SVIL: variants seen among roughly 807,000 people sequenced by gnomAD.
The protein encoded by SVIL is supervillin, also known as archvillin.
A neutral mutation model predicts 240.4 loss-of-function variants in SVIL; 101 were observed. That is an observed-to-expected ratio of 0.42 (90% CI 0.36 to 0.50). The LOEUF is 0.50. Among genes scored for constraint, SVIL ranks in the 20% least tolerant of loss-of-function variants. The pLI, the probability that SVIL is intolerant of heterozygous loss-of-function variation, is 0.01. For missense variants in SVIL, 2,512 were observed against 2,818.7 expected (o/e 0.89, Z 2.46); for synonymous variants, 999 against 1,100.0 (o/e 0.91, Z 1.82).
intron 13 of SVIL, 143 bp from the exon 14 acceptor site, chr10:29,524,858 A>G (rs1950793613): frequency 3.1e-6 from 4 of 1,276,412 alleles, no homozygotes; most frequent in Non-Finnish European, 2.1e-6. Context: ...AGAGGCAGGC[A>G]GCTGTTCAGC....
intron 1 of SVIL, among the ~76,000 whole-genome samples, chr10:29,715,132 T>C (rs1301655568): frequency 6.6e-6 from 1 of 152,118 alleles, no homozygotes; most frequent in East Asian, 1.9e-4. Context: ...AATTGAACTT[T>C]AAACAAAAAA....
Position 29,467,633 on chromosome 10 carries a change from C to G in SVIL, c.5977+109G>C, listed in dbSNP as rs1945074848. ...ACTTGAGCCCAGGAGGTTGAAGCTG[C>G]AGTGAGCTGTGATCATACCACTATA... is the stretch of plus-strand genomic sequence containing the variant. On this transcript the variant is annotated intron_variant, in intron 33 of 37. Coordinates refer to ENST00000355867, the MANE Select transcript of SVIL (RefSeq NM_021738.3). The G allele has an allele frequency of 6.4e-6, 9 of 1,410,522 alleles. No individual in the cohort carries two copies. The South Asian group carries it at 1.2e-4, about 19-fold the overall frequency. 87.4% of individuals were successfully genotyped at this position (1,410,522 alleles called of 1,614,324 possible). A position where few individuals can be genotyped will look rare whatever the true frequency, so the allele number is the denominator to read the frequency against.
rs1185155048 is a variant in SVIL at position 29,550,609 on chromosome 10, T to C, written c.815A>G (p.Glu272Gly). The change falls in exon 6 of 38, where the codon GAG becomes GGG. Residue 272 changes from glutamate (E) to glycine (G), a missense_variant. Physicochemically the swap from Glu to Gly is moderately conservative, Grantham distance 98. This residue lies in a region of SVIL where 1,443 missense variants were observed against 1,486.6 expected (regional missense o/e 0.97). Coordinates refer to ENST00000355867, the MANE Select transcript of SVIL (RefSeq NM_021738.3). ...PSFGDPQLSP[E>G]ARPSTGKPKH... ...ACTGGATGCTTACCTGGGTCGGGCCTCAGGGGATAGCTGTGGGTCACCAAA... is the reference window on the plus strand; with the variant it reads ...ACTGGATGCTTACCTGGGTCGGGCCCCAGGGGATAGCTGTGGGTCACCAAA... 5 of 1,610,508 alleles carry C rather than the reference T, an allele frequency of 3.1e-6. No homozygotes were observed. In the South Asian group the frequency reaches 4.4e-5, roughly 14 times the overall value.
chr10:29,616,226 AG>A (rs1163836586), intron 1 of SVIL, among the ~76,000 whole-genome samples: 1 of 152,172 alleles, frequency 6.6e-6, no homozygotes, highest in Non-Finnish European at 1.5e-5. Context: ...TAGTAGAGGC[AG>A]GGTTTCACCA....
chr10:29,527,766 C>T (rs1488539212), intron 12 of SVIL, among the ~76,000 whole-genome samples: 1 of 132,812 alleles, frequency 7.5e-6, no homozygotes, highest in East Asian at 2.2e-4. Context: ...CACTCTGTCG[C>T]CCAGGCTGGA....
In SVIL at chr10:29,536,087, C is replaced by A. The variant is rs746926154; in HGVS notation, c.828-18G>T. On this transcript the variant is annotated intron_variant, in intron 6 of 37. Coordinates refer to ENST00000355867, the MANE Select transcript of SVIL (RefSeq NM_021738.3). ...TCCCTGTACTATTGTGTACAAAAAA[C>A]AAAACCAGATAATCTCTATTAAAAC... is the stretch of plus-strand genomic sequence containing the variant. 15 of 1,612,232 alleles carry A rather than the reference C, an allele frequency of 9.3e-6. No individual in the cohort carries two copies. In the South Asian group the frequency reaches 1.5e-4, roughly 17 times the overall value.
At position 29,660,023 on chromosome 10, in the gene SVIL, A is replaced by C. The variant is rs142492402; in HGVS notation, c.-300-1955T>G. On this transcript the variant is annotated intron_variant, in intron 2 of 35. Transcript: ENST00000375400. Reference sequence around the variant, plus strand: ...AAAAGAAAGAAAAAGAAAACTACTCAAAAAGAAAACAGGGGCTGGGCACAG... The same window carrying C: ...AAAAGAAAGAAAAAGAAAACTACTCCAAAAGAAAACAGGGGCTGGGCACAG... Among the ~76,000 whole-genome samples the C allele has an allele frequency of 6.9e-3, 1,050 of 152,296 alleles. 8 individuals carry two copies. The highest frequency in any genetic ancestry group is 0.02 in the Middle Eastern group (6 of 294).
At chr10:29,607,165 A>G (rs1352446866) in intron 1 of SVIL, among the ~76,000 whole-genome samples, 1 of 152,222 alleles carries the variant, frequency 6.6e-6, no homozygotes, top group Non-Finnish European at 1.5e-5. Flanking sequence ...TTTATTGGGC[A>G]ATCTAGTTTT....
intron 36 of SVIL, among the ~76,000 whole-genome samples, chr10:29,460,944 A>C (rs1293203183): frequency 1.3e-5 from 2 of 151,886 alleles, no homozygotes; most frequent in African/African-American, 4.8e-5. Context: ...CAGACCCCTT[A>C]CCCACCATGA....
chr10:29,601,630 GA>G lies in SVIL; in HGVS notation c.-200-32319del, dbSNP rs144785835. Reference sequence around the variant, plus strand: ...ACTGACGGCCTACCATAAATGCAAAGAACAGCCTGGAGAGTAAGAGCCTGGG... The same window carrying G: ...ACTGACGGCCTACCATAAATGCAAAGACAGCCTGGAGAGTAAGAGCCTGGG... On this transcript the variant is annotated intron_variant, in intron 1 of 37. Coordinates refer to ENST00000355867, the MANE Select transcript of SVIL (RefSeq NM_021738.3). Among the ~76,000 whole-genome samples, 543 of 152,304 alleles carry G rather than the reference GA, an allele frequency of 3.6e-3. 1 individual carries two copies. Among genetic ancestry groups the G allele is most frequent in the African/African-American group, 0.012 (513 of 41,574 alleles).
chr10:29,497,442 T>C (rs536369613), intron 18 of SVIL, among the ~76,000 whole-genome samples: 5 of 152,286 alleles, frequency 3.3e-5, no homozygotes, highest in Admixed American at 3.3e-4. Flanking sequence ...GGATATGAAA[T>C]AAAGCCCCAA....
rs146610011 is a variant in SVIL, at chr10:29,532,632, C to T, written c.1735G>A (p.Glu579Lys). ...ATGCTGATCTCCCCATAAGGCCCTT[C>T]GGTCTTGGAGCTGGGCAGCTCCAGC... ...RELELPSSKT[E>K]GPYGEISMLD... The change falls in exon 8 of 38, where the codon GAA becomes AAA. Residue 579 changes from glutamate (E) to lysine (K), a missense_variant. Transcript: ENST00000355867. 48 of 1,614,074 alleles carry T rather than the reference C, an allele frequency of 3.0e-5. No individual in the cohort carries two copies. Among genetic ancestry groups the T allele is most frequent in the Non-Finnish European group, 3.7e-5 (44 of 1,180,042 alleles).
chr10:29,471,484 T>C (rs559406625), intron 30 of SVIL, among the ~76,000 whole-genome samples: 1 of 152,386 alleles, frequency 6.6e-6, no homozygotes, highest in Admixed American at 6.5e-5. Flanking sequence ...TATATTGATG[T>C]ACAGCCTCAT....
At chr10:29,692,151 G>A (rs530652487) in intron 1 of SVIL, among the ~76,000 whole-genome samples, 1 of 152,158 alleles carries the variant, frequency 6.6e-6, no homozygotes, top group Non-Finnish European at 1.5e-5. Context: ...CGTGAACTTG[G>A]TTTCTTGTTT....
At chr10:29,468,324 A>G (rs1945160429) in intron 32 of SVIL, among the ~76,000 whole-genome samples, 1 of 152,214 alleles carries the variant, frequency 6.6e-6, no homozygotes, top group Non-Finnish European at 1.5e-5. Flanking sequence ...TGGCAGAATA[A>G]TATTCCACTA....
intron 16 of SVIL, among the ~76,000 whole-genome samples, chr10:29,515,001 C>T (rs1197287759): frequency 2.0e-5 from 3 of 152,168 alleles, no homozygotes; most frequent in Non-Finnish European, 4.4e-5. Context: ...GGAAGTAAGC[C>T]GTGAAGAAAG....
rs201409061 is a variant in SVIL at position 29,732,858 on chromosome 10, G to T, written c.-400+2893C>A. On this transcript the variant is annotated intron_variant, in intron 1 of 35. Coordinates refer to the SVIL transcript ENST00000375400. ...ACCAGTTCATTTGGTTTGGGTTTTT[G>T]TTTTTTTTTTTTTAATTCCTACCAT... is the stretch of plus-strand genomic sequence containing the variant. Among the ~76,000 whole-genome samples, 170 of 140,128 alleles carry T rather than the reference G, an allele frequency of 1.2e-3. 1 individual carries two copies. Among genetic ancestry groups the T allele is most frequent in the East Asian group, 8.6e-3 (42 of 4,874 alleles). The allele number at this position is 140,128 out of a possible 152,430, so 91.9% of individuals were successfully genotyped here.
intron 3 of SVIL, among the ~76,000 whole-genome samples, chr10:29,644,511 C>G (rs1384582290): frequency 6.6e-6 from 1 of 152,064 alleles, no homozygotes; most frequent in East Asian, 1.9e-4. Flanking sequence ...GCTATGCACT[C>G]GGCCAACCCA....
intron 16 of SVIL, among the ~76,000 whole-genome samples, chr10:29,519,282 G>A (rs4619054): frequency 0.43 from 65,825 of 151,826 alleles, 14,888 homozygotes; most frequent in African/African-American, 0.54. Context: ...AGCGCACCGC[G>A]GTCTCACCAT....
Sources: allele counts gnomAD v4.1 joint callset (sites outside exome capture counted in the v4.1 genomes callset), GRCh38; gene constraint gnomAD v4.1.1; regional missense constraint gnomAD v4.1.1; transcripts MANE v1.5; gene names NCBI Gene and HGNC (gene_info 2026-07-23, HGNC 2026-07-21).